The following CHN2 variants were observed in gnomAD, a reference collection of about 807,000 sequenced individuals.
CHN2 encodes chimerin 2.
Under a neutral mutation model 56.3 loss-of-function variants are expected in CHN2, and 35 were observed. The ratio of observed to expected loss-of-function variants is 0.62; its 90% confidence interval spans 0.47 to 0.82. The LOEUF (loss-of-function observed/expected upper bound fraction) is 0.82, where lower values mean the gene tolerates loss of function less well. Ranked by LOEUF, CHN2 falls within the 40% of genes least tolerant of loss-of-function variation. CHN2 has a pLI of 0.00. For missense variants in CHN2, 491 were observed against 580.5 expected (o/e 0.85, Z 1.58); for synonymous variants, 210 against 212.8 (o/e 0.99, Z 0.12).
At chr7:29,396,086 TAAA>T (rs924564747) in intron 4 of CHN2, among the ~76,000 whole-genome samples, 4 of 151,962 alleles carry the variant, frequency 2.6e-5, no homozygotes, top group African/African-American at 4.8e-5. Context: ...ATATATCAAT[TAAA>T]AATAAAAATA....
rs143657505 is a variant in CHN2 at position 29,317,418 on chromosome 7, C to T, written c.50-37207C>T. Among the ~76,000 whole-genome samples, 416 of 152,248 alleles carry T rather than the reference C, an allele frequency of 2.7e-3. 8 individuals carry two copies. Among genetic ancestry groups the T allele is most frequent in the Non-Finnish European group, 9.0e-4 (61 of 68,010 alleles). ...GACCGAAGGATATTTCCCAGATCCT[C>T]GATGTGCAAAGTGTGGTCCATGGAC... is the stretch of plus-strand genomic sequence containing the variant. On this transcript the variant is annotated intron_variant, in intron 1 of 12. Transcript: ENST00000222792.
intron 1 of CHN2, among the ~76,000 whole-genome samples, chr7:29,263,981 C>G (rs1458954463): frequency 8.3e-6 from 1 of 120,662 alleles, no homozygotes; most frequent in African/African-American, 4.2e-5. Context: ...GGGGGGGCAG[C>G]CCCCGCCCAG....
At chr7:29,240,718 G>A (rs981344555) in intron 1 of CHN2, among the ~76,000 whole-genome samples, 4 of 152,084 alleles carry the variant, frequency 2.6e-5, no homozygotes, top group East Asian at 3.9e-4. Flanking sequence ...GGTGGGGGGC[G>A]GTGGGGAGTG....
rs559817971 is a variant in CHN2 at position 29,501,277 on chromosome 7, A to G, written c.913+1237A>G. On this transcript the variant is annotated intron_variant, in intron 9 of 12. Transcript: ENST00000222792. ...TCCCAGAGTGTAAGAAATGCCTTCTATCTTTTCACCACTGTGGCTGACAGA... is the reference window on the plus strand; with the variant it reads ...TCCCAGAGTGTAAGAAATGCCTTCTGTCTTTTCACCACTGTGGCTGACAGA... 5.3e-5 allele frequency among the ~76,000 whole-genome samples: 8 copies of G among 152,316 alleles called. No homozygotes were observed. In the East Asian group the frequency reaches 1.2e-3, roughly 22 times the overall value.
intron 1 of CHN2, among the ~76,000 whole-genome samples, chr7:29,239,708 C>A (rs1221639439): frequency 6.6e-6 from 1 of 152,152 alleles, no homozygotes; most frequent in African/African-American, 2.4e-5. Context: ...CATATCCTGG[C>A]CTCAGTGCTT....
intron 2 of CHN2, among the ~76,000 whole-genome samples, chr7:29,164,247 T>C (rs1284113157): frequency 2.6e-5 from 4 of 152,238 alleles, no homozygotes; most frequent in Admixed American, 2.0e-4. Flanking sequence ...TGACTAATGA[T>C]GTCCAGCATC....
chr7:29,298,509 G>C (rs1289663044), intron 1 of CHN2, among the ~76,000 whole-genome samples: 1 of 152,130 alleles, frequency 6.6e-6, no homozygotes, highest in Non-Finnish European at 1.5e-5. Context: ...CCAGGTAACT[G>C]GTGGCTACAG....
intron 2 of CHN2, among the ~76,000 whole-genome samples, chr7:29,359,912 G>A (rs1189789283): frequency 6.6e-6 from 1 of 152,168 alleles, no homozygotes; most frequent in African/African-American, 2.4e-5. Flanking sequence ...AGCTCTCCCT[G>A]GAGGCTCCCC....
At chr7:29,498,913 C>A (rs1022641737) in intron 8 of CHN2, among the ~76,000 whole-genome samples, 2 of 152,022 alleles carry the variant, frequency 1.3e-5, no homozygotes, top group African/African-American at 4.8e-5. Context: ...AGGGGTCCAC[C>A]ACCATGCCCA....
Position 29,284,010 on chromosome 7 carries a change from G to A in CHN2, c.50-70615G>A, listed in dbSNP as rs539547658. The stretch of plus-strand genomic sequence containing the variant: ...CAACCTCTGCCTCCCAGGTTCAAGC[G>A]ATTCTCCTGTCTCAGCCTCCCTCCC... On this transcript the variant is annotated intron_variant, in intron 1 of 12. Coordinates refer to ENST00000222792, the MANE Select transcript of CHN2 (RefSeq NM_004067.4). Among the ~76,000 whole-genome samples, 24 of 134,436 alleles carry A rather than the reference G, an allele frequency of 1.8e-4. No individual in the cohort carries two copies. The South Asian group carries it at 3.9e-3, about 22-fold the overall frequency. The allele number at this position is 134,436 out of a possible 152,430, so 88.2% of individuals were successfully genotyped here. A position where few individuals can be genotyped will look rare whatever the true frequency, so the allele number is the denominator to read the frequency against.
chr7:29,264,924 A>G (rs935882696), intron 1 of CHN2, among the ~76,000 whole-genome samples: 2 of 151,454 alleles, frequency 1.3e-5, no homozygotes, highest in African/African-American at 4.9e-5. Context: ...AGACTTTTTA[A>G]AGGAGATCTG....
chr7:29,429,818 A>G (rs1376545077), intron 6 of CHN2, among the ~76,000 whole-genome samples: 1 of 152,244 alleles, frequency 6.6e-6, no homozygotes, highest in South Asian at 2.1e-4. Context: ...ATCTAACAAT[A>G]TGGTGTACTT....
At chr7:29,182,045 T>G (rs2190646) in intron 2 of CHN2, among the ~76,000 whole-genome samples, 1 of 152,134 alleles carries the variant, frequency 6.6e-6, no homozygotes, top group African/African-American at 2.4e-5. Flanking sequence ...TTATAACTAT[T>G]TCTTTCAGTG....
At chr7:29,268,283 A>AACACACACACACACACAC (rs145638795) in intron 1 of CHN2, among the ~76,000 whole-genome samples, 4,620 of 134,136 alleles carry the variant, frequency 0.034, 145 homozygotes, top group East Asian at 0.077. Context: ...GCTTCACCAG[A>AACACACACACACACACAC]ACACACACAC....
At chr7:29,491,718 T>A (rs182984459) in intron 7 of CHN2, among the ~76,000 whole-genome samples, 19 of 152,334 alleles carry the variant, frequency 1.2e-4, no homozygotes, top group African/African-American at 2.6e-4. Flanking sequence ...ATATTCTTTT[T>A]GATTAATGGA....
intron 1 of CHN2, among the ~76,000 whole-genome samples, chr7:29,204,515 A>T (rs1784387444): frequency 6.6e-6 from 1 of 152,190 alleles, no homozygotes; most frequent in South Asian, 2.1e-4. Context: ...AACCATACTT[A>T]TTTGGTAAAT....
rs17687957 is a variant in CHN2 at position 29,348,004 on chromosome 7, T to C, written c.50-6621T>C. Among the ~76,000 whole-genome samples the C allele has an allele frequency of 8.7e-4, 133 of 152,362 alleles. No individual in the cohort carries two copies. The East Asian group carries it at 0.022, about 25-fold the overall frequency. ...CAAATCTCTTAATGGTGCTTTTTTT[T>C]CCCCCTCAGGTTGGGAACTTTCTAC... On this transcript the variant is annotated intron_variant, in intron 1 of 12. Coordinates refer to ENST00000222792, the MANE Select transcript of CHN2 (RefSeq NM_004067.4).
At chr7:29,194,621 G>C (rs1304228866), upstream of CHN2, 1 of 282,334 alleles carries the variant, frequency 3.5e-6, no homozygotes, top group African/African-American at 2.2e-5. Flanking sequence ...GTGGACGGCA[G>C]AGGGGCTCGG....
intron 6 of CHN2, among the ~76,000 whole-genome samples, chr7:29,402,259 G>A (rs2128086823): frequency 6.6e-6 from 1 of 152,278 alleles, no homozygotes; most frequent in Non-Finnish European, 1.5e-5. Flanking sequence ...TCAGATCCTA[G>A]GAGAACCTTC....
Sources: allele counts gnomAD v4.1 joint callset (sites outside exome capture counted in the v4.1 genomes callset), GRCh38; gene constraint gnomAD v4.1.1; transcripts MANE v1.5; gene names NCBI Gene and HGNC (gene_info 2026-07-23, HGNC 2026-07-21).